CPT1A: variants seen among roughly 807,000 people sequenced by gnomAD.
CPT1A encodes carnitine O-palmitoyltransferase 1, liver isoform.
A neutral mutation model predicts 100.8 loss-of-function variants in CPT1A; 64 were observed. The observed-to-expected ratio is 0.63, with a 90% CI of 0.52 to 0.78. The LOEUF (loss-of-function observed/expected upper bound fraction) is 0.78, where lower values mean the gene tolerates loss of function less well. CPT1A is among the 30% of genes least tolerant of loss of function. The probability of loss-of-function intolerance (pLI) is 0.00; values close to 1 mark genes in which losing one functional copy is unlikely to be tolerated. For synonymous variants in CPT1A, 363 were observed against 396.0 expected (o/e 0.92, Z 0.99); for missense variants, 802 against 1,034.1 (o/e 0.78, Z 3.08).
intron 13 of CPT1A, chr11:68,773,978 C>T: frequency 5.7e-6 from 1 of 174,534 alleles, no homozygotes; most frequent in East Asian, 1.5e-4. Flanking sequence ...AAACATACTG[C>T]GCATGCTCCC....
intron 1 of CPT1A, among the ~76,000 whole-genome samples, chr11:68,834,253 G>A (rs4930617): frequency 0.4 from 61,126 of 151,756 alleles, 15,215 homozygotes; most frequent in Admixed American, 0.6. Context: ...CCTGGCCAAC[G>A]TGGCAAAACC....
intron 4 of CPT1A, 96 bp from the exon 5 acceptor site, chr11:68,804,197 G>C: frequency 1.1e-6 from 1 of 901,592 alleles, no homozygotes; most frequent in Non-Finnish European, 1.8e-6. Flanking sequence ...GGTCAGTCCT[G>C]GTTAGTACTT....
intron 3 of CPT1A, among the ~76,000 whole-genome samples, chr11:68,811,765 ACTGGAT>A: frequency 6.6e-6 from 1 of 152,162 alleles, no homozygotes; most frequent in Non-Finnish European, 1.5e-5. Flanking sequence ...CATCTCCAGA[ACTGGAT>A]GGAATAACAG....
chr11:68,810,420 C>G (rs1856169337), intron 3 of CPT1A, among the ~76,000 whole-genome samples: 1 of 152,120 alleles, frequency 6.6e-6, no homozygotes, highest in Admixed American at 6.6e-5. Context: ...GCCAGGCATG[C>G]TTCTGCTAAA....
chr11:68,821,668 G>A (rs559401233), intron 1 of CPT1A, among the ~76,000 whole-genome samples: 2 of 152,302 alleles, frequency 1.3e-5, no homozygotes, highest in South Asian at 4.1e-4. Context: ...CAGTTGTTAT[G>A]CTGTATTTTT....
chr11:68,800,000 G>A (rs1467574778), intron 5 of CPT1A, among the ~76,000 whole-genome samples: 1 of 152,106 alleles, frequency 6.6e-6, no homozygotes, highest in African/African-American at 2.4e-5. Flanking sequence ...GAAATTTCAA[G>A]AATGTCTCTT....
At chr11:68,796,129 G>A (rs777672204) in intron 7 of CPT1A, among the ~76,000 whole-genome samples, 11 of 152,190 alleles carry the variant, frequency 7.2e-5, no homozygotes, top group Non-Finnish European at 1.0e-4. Context: ...CCCCTCTGGC[G>A]TCTCAGAAAA....
intron 14 of CPT1A, among the ~76,000 whole-genome samples, chr11:68,770,994 G>A (rs1418359130): frequency 6.6e-6 from 1 of 152,206 alleles, no homozygotes; most frequent in African/African-American, 2.4e-5. Flanking sequence ...CCTCGGGGCC[G>A]TCCTGAAGTT....
intron 12 of CPT1A, among the ~76,000 whole-genome samples, chr11:68,779,603 C>T (rs1466094450): frequency 6.6e-6 from 1 of 151,430 alleles, no homozygotes; most frequent in African/African-American, 2.4e-5. Flanking sequence ...CAAGACCAGC[C>T]TGGGCAACAT....
intron 1 of CPT1A, chr11:68,839,721 C>A (rs914318976): frequency 2.0e-6 from 2 of 985,252 alleles, no homozygotes; most frequent in African/African-American, 3.5e-5. Context: ...TGAAAACTGA[C>A]GGTGTTTTTA....
rs771299076 is a variant in CPT1A, at chr11:68,769,727, G to A, written c.1740+3538C>T. Among the ~76,000 whole-genome samples the A allele has an allele frequency of 4.6e-5, 7 of 152,168 alleles. No individual in the cohort carries two copies. In the East Asian group the frequency reaches 1.4e-3, roughly 29 times the overall value. On this transcript the variant is annotated intron_variant, in intron 14 of 18. Coordinates refer to ENST00000265641, the MANE Select transcript of CPT1A (RefSeq NM_001876.4). ...GGCAAGCTCCTCTCCTGAAGCCCCT[G>A]CCTGACCTCTCACTGTGTTCATATT...
At chr11:68,803,047 C>T (rs1457051801) in intron 5 of CPT1A, among the ~76,000 whole-genome samples, 1 of 152,192 alleles carries the variant, frequency 6.6e-6, no homozygotes, top group African/African-American at 2.4e-5. Flanking sequence ...CTCAGACCGG[C>T]TAGAAGCTGA....
At chr11:68,785,926 TA>T (rs1855451470) in intron 9 of CPT1A, 1 of 682,396 alleles carries the variant, frequency 1.5e-6, no homozygotes. Flanking sequence ...TCAGTAAGCT[TA>T]AACATCACAG....
At chr11:68,757,813 C>G (rs1946720715) in intron 18 of CPT1A, 83 bp from the exon 19 acceptor site, 1 of 1,153,106 alleles carries the variant, frequency 8.7e-7, no homozygotes, top group Non-Finnish European at 1.3e-6. Context: ...CAATCTGACC[C>G]AATGTTTCAT....
chr11:68,840,545 G>T (rs1245771388), intron 1 of CPT1A, among the ~76,000 whole-genome samples: 1 of 152,192 alleles, frequency 6.6e-6, no homozygotes, highest in Non-Finnish European at 1.5e-5. Flanking sequence ...TATAACACAC[G>T]GAGCCGAGAG....
At chr11:68,790,651 GCT>G (rs1184830761) in intron 9 of CPT1A, among the ~76,000 whole-genome samples, 7 of 152,134 alleles carry the variant, frequency 4.6e-5, no homozygotes, top group African/African-American at 1.7e-4. Flanking sequence ...GGCCTCCAGA[GCT>G]GTGGCAGAAG....
At chr11:68,762,357 G>A (rs768250825) in intron 15 of CPT1A, among the ~76,000 whole-genome samples, 1 of 152,190 alleles carries the variant, frequency 6.6e-6, no homozygotes, top group Non-Finnish European at 1.5e-5. Context: ...TGTGTGTCCT[G>A]GCCTAATTTA....
intron 14 of CPT1A, among the ~76,000 whole-genome samples, chr11:68,768,128 T>A (rs1854870964): frequency 1.6e-5 from 2 of 122,264 alleles, no homozygotes; most frequent in Non-Finnish European, 3.2e-5. Context: ...CAGGCTGGAG[T>A]GCAGTGGTGC....
intron 1 of CPT1A, among the ~76,000 whole-genome samples, chr11:68,833,804 C>T (rs1030435575): frequency 2.0e-5 from 3 of 151,924 alleles, no homozygotes; most frequent in Non-Finnish European, 2.9e-5. Context: ...GAATGTAAGA[C>T]TCACCTTATG....
Sources: gnomAD v4.1 joint callset for allele counts (sites outside exome capture counted in the v4.1 genomes callset) on GRCh38, gnomAD v4.1.1 for gene constraint, MANE v1.5 for transcripts, NCBI Gene and HGNC (gene_info 2026-07-23, HGNC 2026-07-21) for gene names.